FGD6: variants seen among roughly 807,000 people sequenced by gnomAD.
The protein encoded by FGD6 is FYVE, RhoGEF and PH domain containing 6.
A neutral mutation model predicts 149.4 loss-of-function variants in FGD6; 90 were observed. The ratio of observed to expected loss-of-function variants is 0.60; its 90% CI spans 0.51 to 0.72. FGD6 has a LOEUF of 0.72. FGD6 is among the 30% of genes least tolerant of loss of function. The probability of loss-of-function intolerance (pLI) is 0.00; values close to 1 mark genes in which losing one functional copy is unlikely to be tolerated. For synonymous variants in FGD6, 527 were observed against 584.0 expected, an observed-to-expected ratio of 0.90 and a Z score of 1.41; for missense variants, 1,437 against 1,684.8, an observed-to-expected ratio of 0.85 and a Z score of 2.57.
In FGD6 at chr12:95,079,144, A is replaced by G. The variant is rs1877588062; in HGVS notation, c.*2376T>C. On this transcript the variant is annotated 3_prime_UTR_variant, in exon 21 of 21. Transcript: ENST00000343958. ...ACATAAATAACAATTGGTCAGCTTT[A>G]GTAAGTTATGAAGGACTCATAAAGG... The G allele has an allele frequency of 6.6e-6, 1 of 152,218 alleles. No homozygotes were observed. The highest frequency in any genetic ancestry group is 1.5e-5 in the Non-Finnish European group (1 of 68,038). 9.4% of individuals were successfully genotyped at this position (152,218 alleles called of 1,614,324 possible). A position where few individuals can be genotyped will look rare whatever the true frequency, so the allele number is the denominator to read the frequency against.
In FGD6 at chr12:95,081,487, T is replaced by G; in HGVS notation, c.*33A>C. On this transcript the variant is annotated 3_prime_UTR_variant, in exon 21 of 21. Coordinates refer to ENST00000343958, the MANE Select transcript of FGD6 (RefSeq NM_018351.4). ...CTCCATTCTGATGAAATTCCACCTC[T>G]TTGGAATCACAGAAGAGATGAAACC... The G allele has an allele frequency of 6.4e-7, 1 of 1,573,974 alleles. No individual in the cohort carries two copies. The highest frequency in any genetic ancestry group is 1.7e-5 in the Admixed American group (1 of 57,520).
chr12:95,124,409 A>G (rs1179502598), intron 8 of FGD6, among the ~76,000 whole-genome samples: 1 of 152,214 alleles, frequency 6.6e-6, no homozygotes, highest in Non-Finnish European at 1.5e-5. Context: ...ATTACCTAAC[A>G]GCCAAGCGAA....
intron 2 of FGD6, among the ~76,000 whole-genome samples, chr12:95,179,719 G>A (rs911277993): frequency 6.6e-6 from 1 of 151,662 alleles, no homozygotes; most frequent in Non-Finnish European, 1.5e-5. Context: ...AGTCTTAAAG[G>A]GATCTTCCTT....
intron 2 of FGD6, among the ~76,000 whole-genome samples, chr12:95,202,077 T>A (rs1386243603): frequency 6.6e-6 from 1 of 151,378 alleles, no homozygotes; most frequent in Admixed American, 6.6e-5. Flanking sequence ...AAGTGTAGAG[T>A]GACAGTCTAC....
intron 17 of FGD6, among the ~76,000 whole-genome samples, chr12:95,090,236 T>G (rs952692154): frequency 3.9e-5 from 6 of 152,050 alleles, no homozygotes; most frequent in South Asian, 2.1e-4. Context: ...GAGGTCAGCA[T>G]GAGCAAAGGC....
chr12:95,141,505 T>A lies in FGD6; in HGVS notation c.2720A>T (p.Gln907Leu). 1 of 1,614,162 alleles carries A rather than the reference T, an allele frequency of 6.2e-7. No individual in the cohort carries two copies. Among genetic ancestry groups the A allele is most frequent in the Non-Finnish European group, 8.5e-7 (1 of 1,180,008 alleles). The change falls in exon 6 of 21, where the codon CAA becomes CTA. Residue 907 changes from glutamine to leucine, a missense_variant. Coordinates refer to ENST00000343958, the MANE Select transcript of FGD6 (RefSeq NM_018351.4). ...FRDAVAHASRQLGKPVIEDRI... is the reference protein window; with the variant it reads ...FRDAVAHASRLLGKPVIEDRI... The stretch of plus-strand genomic sequence containing the variant: ...GTCCTCAATCACTGGTTTCCCAAGT[T>A]GCCTGGAAGCATGAGCTACTGCATC...
intron 8 of FGD6, among the ~76,000 whole-genome samples, chr12:95,123,075 C>T (rs1325017483): frequency 6.7e-6 from 1 of 150,054 alleles, no homozygotes; most frequent in Admixed American, 6.6e-5. Flanking sequence ...AGCGATCTTT[C>T]TGGGCTCTCA....
At chr12:95,181,673 G>A (rs1881283569) in intron 2 of FGD6, among the ~76,000 whole-genome samples, 1 of 148,722 alleles carries the variant, frequency 6.7e-6, no homozygotes, top group African/African-American at 2.5e-5. Flanking sequence ...GCAAGTTCCA[G>A]TTGGGCACAG....
intron 8 of FGD6, 82 bp from the exon 9 acceptor site, chr12:95,113,783 TA>T (rs1198208706): frequency 1.1e-6 from 1 of 872,770 alleles, no homozygotes; most frequent in African/African-American, 1.7e-5. Context: ...AATACTTCAT[TA>T]GTCTTGCTGG....
chr12:95,085,389 G>A (rs1194454526), intron 19 of FGD6, among the ~76,000 whole-genome samples: 1 of 152,028 alleles, frequency 6.6e-6, no homozygotes, highest in East Asian at 1.9e-4. Context: ...TCTTAGTAGA[G>A]ACGGGGTTTC....
chr12:95,143,283 GTTTT>G (rs1225492589), intron 5 of FGD6, among the ~76,000 whole-genome samples: 9 of 56,880 alleles, frequency 1.6e-4, no homozygotes, highest in African/African-American at 8.0e-4. Flanking sequence ...CATGAGGTTT[GTTTT>G]TTTTTGTTTT....
intron 5 of FGD6, among the ~76,000 whole-genome samples, chr12:95,147,073 C>A (rs1880039518): frequency 6.6e-6 from 1 of 152,080 alleles, no homozygotes; most frequent in Non-Finnish European, 1.5e-5. Context: ...ATTACAAAGA[C>A]CAAATGAACA....
Position 95,209,294 on chromosome 12 carries a change from T to A in FGD6, c.1990A>T (p.Ser664Cys), listed in dbSNP as rs1482244814. 7.4e-6 allele frequency: 12 copies of A among 1,613,972 alleles called. No individual in the cohort carries two copies. The East Asian group carries it at 2.2e-4, about 30-fold the overall frequency. ...CTTTCAATCCCCTTCTGCTCCCCACTGGAGAGGTGGCCTGTGGTGGTGTCT... is the reference window on the plus strand; with the variant it reads ...CTTTCAATCCCCTTCTGCTCCCCACAGGAGAGGTGGCCTGTGGTGGTGTCT... ...LGDTTTGHLSSGEQKGIESDW... is the reference protein window; with the variant it reads ...LGDTTTGHLSCGEQKGIESDW... Residue 664 changes from serine (S) to cysteine (C), a missense_variant, in exon 2 of 21, where the codon AGT becomes TGT. Ser to Cys is a moderately radical substitution (Grantham distance 112). Around this residue, in one of 2 missense-constraint regions of FGD6, gnomAD observed 1,055 missense variants for 1,146.0 expected, o/e 0.92. Coordinates refer to ENST00000343958, the MANE Select transcript of FGD6 (RefSeq NM_018351.4).
chr12:95,082,386 C>T (rs922659223), intron 20 of FGD6, among the ~76,000 whole-genome samples: 2 of 128,622 alleles, frequency 1.6e-5, no homozygotes, highest in East Asian at 2.4e-4. Context: ...GGCTGGGCGC[C>T]GTGGCTCATG....
intron 8 of FGD6, among the ~76,000 whole-genome samples, chr12:95,126,678 C>T (rs1309715488): frequency 2.0e-5 from 3 of 150,764 alleles, no homozygotes; most frequent in Non-Finnish European, 4.4e-5. Context: ...TTGTAGTGAG[C>T]CGAGATCACA....
chr12:95,117,666 A>T (rs1312756458), intron 8 of FGD6, among the ~76,000 whole-genome samples: 1 of 152,166 alleles, frequency 6.6e-6, no homozygotes, highest in Non-Finnish European at 1.5e-5. Flanking sequence ...AACTCAAGTG[A>T]TTCTCTCACC....
intron 2 of FGD6, among the ~76,000 whole-genome samples, chr12:95,202,390 A>AAAAATAAAATAAAATAAAATAAAAT (rs59414022): frequency 0.099 from 13,990 of 141,656 alleles, 896 homozygotes; most frequent in Non-Finnish European, 0.12. Context: ...CCATTTCCCA[A>AAAAATAAAATAAAATAAAATAAAAT]AAAATAAAAT....
At chr12:95,120,212 G>A (rs1177397889) in intron 8 of FGD6, among the ~76,000 whole-genome samples, 1 of 151,962 alleles carries the variant, frequency 6.6e-6, no homozygotes, top group Non-Finnish European at 1.5e-5. Flanking sequence ...CTGGGTGACA[G>A]AGTGAGTCCG....
intron 8 of FGD6, among the ~76,000 whole-genome samples, chr12:95,117,330 A>G (rs1244105961): frequency 6.6e-6 from 1 of 152,210 alleles, no homozygotes; most frequent in South Asian, 2.1e-4. Flanking sequence ...ATAAAAGTTA[A>G]TTAACTCCAT....
Sources: gnomAD v4.1 joint callset for allele counts (sites outside exome capture counted in the v4.1 genomes callset) on GRCh38, gnomAD v4.1.1 for gene constraint, gnomAD v4.1.1 regional missense constraint, MANE v1.5 for transcripts, NCBI Gene and HGNC (gene_info 2026-07-23, HGNC 2026-07-21) for gene names.